Variants in NCOR1 observed in about 807,000 individuals in gnomAD.
The protein encoded by NCOR1 is nuclear receptor corepressor 1.
A neutral mutation model predicts 288.1 loss-of-function variants in NCOR1; 63 were observed. That is an observed-to-expected ratio of 0.22 (90% CI 0.18 to 0.27). NCOR1 has a LOEUF of 0.27. Ranked by LOEUF, NCOR1 falls within the 10% of genes least tolerant of loss-of-function variation. The pLI is 1.00. For missense variants in NCOR1, 2,397 were observed against 3,019.2 expected, an observed-to-expected ratio of 0.79 and a Z score of 4.83; for synonymous variants, 1,007 against 1,065.9, an observed-to-expected ratio of 0.94 and a Z score of 1.08.
At chr17:16,131,506 C>CA (rs1394846498) in intron 14 of NCOR1, among the ~76,000 whole-genome samples, 1 of 152,038 alleles carries the variant, frequency 6.6e-6, no homozygotes, top group Non-Finnish European at 1.5e-5. Flanking sequence ...AAAAGAGAAA[C>CA]AGACAAGTTC....
chr17:16,172,727 T>C (rs994227015), intron 3 of NCOR1, among the ~76,000 whole-genome samples: 1 of 152,222 alleles, frequency 6.6e-6, no homozygotes, highest in Non-Finnish European at 1.5e-5. Context: ...AATACATGAC[T>C]TGAAGATCAG....
chr17:16,178,458 C>T, intron 3 of NCOR1, among the ~76,000 whole-genome samples: 1 of 136,982 alleles, frequency 7.3e-6, no homozygotes, highest in Non-Finnish European at 1.5e-5. Flanking sequence ...GAGATCACGC[C>T]ACTGCACTCC....
At chr17:16,155,350 CAA>C (rs11367956) in intron 6 of NCOR1, among the ~76,000 whole-genome samples, 5,385 of 114,846 alleles carry the variant, frequency 0.047, 132 homozygotes, top group African/African-American at 0.092. Context: ...GACTGTGTCT[CAA>C]AAAAAAAAAA....
Position 16,057,965 on chromosome 17 carries a change from T to A in NCOR1, c.6110A>T (p.Glu2037Val). The A allele has an allele frequency of 6.2e-7, 1 of 1,614,154 alleles. No individual in the cohort carries two copies. The highest frequency in any genetic ancestry group is 8.5e-7 in the Non-Finnish European group (1 of 1,179,996). The change falls in exon 39 of 46, where the codon GAG becomes GTG. Residue 2037 changes from glutamate (E) to valine (V), a missense_variant. Glu to Val is a moderately radical substitution (Grantham distance 121). This residue lies in a region of NCOR1 where 1,872 missense variants were observed against 2,187.8 expected (regional missense o/e 0.86). Transcript: ENST00000268712. The part of the protein sequence containing the change: ...QQQLPPSSQA[E>V]GMGQVPRTHR... The stretch of plus-strand genomic sequence containing the variant: ...GGTCCTGGGCACTTGCCCCATTCCC[T>A]CTGCCTGTGAAGAAGGGGGCAGCTG...
At chr17:16,211,330 G>A (rs1042373393) in intron 1 of NCOR1, among the ~76,000 whole-genome samples, 1 of 151,576 alleles carries the variant, frequency 6.6e-6, no homozygotes, top group African/African-American at 2.4e-5. Context: ...GCATGATCAT[G>A]GCTCACTGCA....
At chr17:16,062,566 A>G (rs1244848462) in intron 35 of NCOR1, among the ~76,000 whole-genome samples, 1 of 152,216 alleles carries the variant, frequency 6.6e-6, no homozygotes, top group African/African-American at 2.4e-5. Context: ...AACAGCACCA[A>G]CAAGAAGTAC....
At chr17:16,187,542 A>T (rs2086928829) in intron 2 of NCOR1, among the ~76,000 whole-genome samples, 1 of 51,318 alleles carries the variant, frequency 1.9e-5, no homozygotes, top group African/African-American at 4.3e-5. Context: ...ACTAAGTTTA[A>T]AAAAAAAAAA....
chr17:16,049,702 C>A (rs2059085755), intron 40 of NCOR1, among the ~76,000 whole-genome samples: 1 of 151,870 alleles, frequency 6.6e-6, no homozygotes, highest in South Asian at 2.1e-4. Flanking sequence ...GCCTCAGCCT[C>A]CCGAGCAGCT....
chr17:16,078,510 T>G (rs2062878316), intron 26 of NCOR1, among the ~76,000 whole-genome samples: 1 of 152,178 alleles, frequency 6.6e-6, no homozygotes, highest in Admixed American at 6.5e-5. Context: ...CCCATTTACT[T>G]TCCTCTGTCC....
chr17:16,080,118 CAT>C (rs2063173035), intron 25 of NCOR1, 54 bp from the exon 26 acceptor site: 1 of 1,431,528 alleles, frequency 7.0e-7, no homozygotes, highest in Admixed American at 1.7e-5. Context: ...TGCCCCAAAA[CAT>C]AAAAAAACAG....
At chr17:16,207,739 C>CAAAAA (rs200123318) in intron 1 of NCOR1, among the ~76,000 whole-genome samples, 5 of 60,846 alleles carry the variant, frequency 8.2e-5, no homozygotes, top group Non-Finnish European at 1.7e-4. Context: ...ACTCCATCTC[C>CAAAAA]AAAAAAAAAA....
rs768889721 is a variant in NCOR1, at chr17:16,079,982, T to C, written c.3483A>G (p.Leu1161=). 2.5e-6 allele frequency: 4 copies of C among 1,613,846 alleles called. No individual in the cohort carries two copies. Among genetic ancestry groups the C allele is most frequent in the East Asian group, 2.2e-5 (1 of 44,880 alleles). Reference sequence around the variant, plus strand: ...GACTAACCTGAGTGATAGAGCCCCGTAGGGATGGAATGCTCTCCACTGAAA... The same window carrying C: ...GACTAACCTGAGTGATAGAGCCCCGCAGGGATGGAATGCTCTCCACTGAAA... ...SKISVESIPS[L]RGSITQGTPA... is the part of the protein sequence containing the mutation. The change falls in exon 26 of 46, where the codon CTA becomes CTG. Residue 1161 remains leucine, a synonymous_variant. Coordinates refer to ENST00000268712, the MANE Select transcript of NCOR1 (RefSeq NM_006311.4).
At chr17:16,171,024 G>A (rs1452621468) in intron 4 of NCOR1, among the ~76,000 whole-genome samples, 1 of 151,740 alleles carries the variant, frequency 6.6e-6, no homozygotes, top group African/African-American at 2.4e-5. Flanking sequence ...GTACAGCATG[G>A]CAACTATAGC....
rs879059374 is a variant in NCOR1 at position 16,058,190 on chromosome 17, A to C, written c.6011-126T>G. On this transcript the variant is annotated intron_variant, in intron 38 of 45. Coordinates refer to ENST00000268712, the MANE Select transcript of NCOR1 (RefSeq NM_006311.4). ...GTACATAGCTCCAAACAAAGAACTT[A>C]TCTTAATTTTGGAGAAAAAAAAAAT... 1.2e-5 allele frequency: 13 copies of C among 1,123,544 alleles called. No homozygotes were observed. In the South Asian group the frequency reaches 2.2e-4, roughly 19 times the overall value. The allele number at this position is 1,123,544 out of a possible 1,614,324, so 69.6% of individuals were successfully genotyped here. A position where few individuals can be genotyped will look rare whatever the true frequency, so the allele number is the denominator to read the frequency against.
chr17:16,098,369 T>G lies in NCOR1; in HGVS notation c.2818A>C (p.Met940Leu). 6.2e-7 allele frequency: 1 copy of G among 1,613,348 alleles called. No individual in the cohort carries two copies. Residue 940 changes from methionine (M) to leucine (L), a missense_variant and splice_region_variant, in exon 21 of 46, where the codon ATG becomes CTG. This residue lies in a region of NCOR1 where 1,872 missense variants were observed against 2,187.8 expected (regional missense o/e 0.86). Transcript: ENST00000268712. Reference protein sequence around the residue: ...LQHRAAVIPPMVSCTPCNIPI... With the variant: ...LQHRAAVIPPLVSCTPCNIPI... ...TCTTCCTCACAATAAAAACTTACCA[T>G]TGGTGGGATAACAGCAGCTCGATGC...
intron 10 of NCOR1, among the ~76,000 whole-genome samples, chr17:16,145,530 G>A (rs1191853412): frequency 6.8e-6 from 1 of 147,734 alleles, no homozygotes; most frequent in South Asian, 2.2e-4. Flanking sequence ...GGGAACTGAG[G>A]AGCGTCTCTG....
intron 1 of NCOR1, among the ~76,000 whole-genome samples, chr17:16,211,376 G>A (rs1369295014): frequency 6.6e-6 from 1 of 151,708 alleles, no homozygotes; most frequent in South Asian, 2.1e-4. Flanking sequence ...CCAAGTAGCT[G>A]GGACCACAAG....
chr17:16,063,957 T>C (rs2060826141), intron 35 of NCOR1, 111 bp downstream of exon 35: 8 of 1,385,734 alleles, frequency 5.8e-6, no homozygotes, highest in Admixed American at 2.3e-5. Context: ...TGTAATAACG[T>C]TGTCTTAGAA....
chr17:16,194,412 A>G, intron 2 of NCOR1, 50 bp downstream of exon 2: 1 of 1,299,770 alleles, frequency 7.7e-7, no homozygotes, highest in Middle Eastern at 1.8e-4. Flanking sequence ...TAGGAAAAGT[A>G]AAGAAAAACA....
Sources: allele counts gnomAD v4.1 joint callset (sites outside exome capture counted in the v4.1 genomes callset), GRCh38; gene constraint gnomAD v4.1.1; regional missense constraint gnomAD v4.1.1; transcripts MANE v1.5; gene names NCBI Gene and HGNC (gene_info 2026-07-23, HGNC 2026-07-21).